The following WWOX variants were observed in gnomAD, a reference collection of about 807,000 sequenced individuals.
WWOX encodes WW domain containing oxidoreductase.
Under a neutral mutation model 46.2 loss-of-function variants are expected in WWOX, and 69 were observed. The ratio of observed to expected loss-of-function variants is 1.49; its 90% CI spans 1.23 to 1.82. WWOX has a LOEUF of 1.82. Among genes scored for constraint, WWOX ranks in the 40% most tolerant of loss-of-function variants. The probability of loss-of-function intolerance (pLI) is 0.00; values close to 1 mark genes in which losing one functional copy is unlikely to be tolerated. For missense variants in WWOX, 919 were observed against 542.6 expected, an observed-to-expected ratio of 1.69 and a Z score of -6.89; for synonymous variants, 359 against 202.6, an observed-to-expected ratio of 1.77 and a Z score of -6.56.
chr16:78,541,822 G>A (rs1042255905), intron 8 of WWOX, among the ~76,000 whole-genome samples: 1 of 151,994 alleles, frequency 6.6e-6, no homozygotes, highest in Non-Finnish European at 1.5e-5. Flanking sequence ...TGAAGTATTA[G>A]CTTTTTACTG....
intron 8 of WWOX, among the ~76,000 whole-genome samples, chr16:78,553,681 C>G (rs1411546738): frequency 1.3e-5 from 2 of 152,046 alleles, no homozygotes; most frequent in Non-Finnish European, 1.5e-5. Context: ...TCAAAGTTGA[C>G]CATGATAGAG....
intron 5 of WWOX, among the ~76,000 whole-genome samples, chr16:78,308,795 C>T (rs1239407595): frequency 1.3e-5 from 2 of 152,142 alleles, no homozygotes; most frequent in Non-Finnish European, 2.9e-5. Flanking sequence ...CTTATCTTAA[C>T]CCAGATAGTC....
intron 8 of WWOX, among the ~76,000 whole-genome samples, chr16:78,523,532 C>G (rs2043393834): frequency 6.6e-6 from 1 of 152,236 alleles, no homozygotes; most frequent in African/African-American, 2.4e-5. Flanking sequence ...TGCTTGTACT[C>G]TCTATCTGGG....
At chr16:78,397,369 C>G (rs890604717) in intron 6 of WWOX, among the ~76,000 whole-genome samples, 2 of 152,100 alleles carry the variant, frequency 1.3e-5, no homozygotes, top group Non-Finnish European at 2.9e-5. Context: ...CCATTTTATC[C>G]TTATAATGAC....
At chr16:78,289,302 A>C (rs2079821650) in intron 5 of WWOX, among the ~76,000 whole-genome samples, 1 of 152,206 alleles carries the variant, frequency 6.6e-6, no homozygotes, top group South Asian at 2.1e-4. Context: ...AACCTAGGCG[A>C]GGAGAGTTGA....
At chr16:79,018,801 C>G (rs2047469399) in intron 8 of WWOX, among the ~76,000 whole-genome samples, 1 of 152,038 alleles carries the variant, frequency 6.6e-6, no homozygotes, top group African/African-American at 2.4e-5. Context: ...TTTTTGTTCC[C>G]CATAGACCCA....
intron 8 of WWOX, among the ~76,000 whole-genome samples, chr16:78,663,008 T>G (rs2047252812): frequency 6.6e-6 from 1 of 152,192 alleles, no homozygotes; most frequent in African/African-American, 2.4e-5. Flanking sequence ...TGACTGAGAT[T>G]ATTCAGTACT....
At chr16:78,652,512 G>C (rs867852929) in intron 8 of WWOX, among the ~76,000 whole-genome samples, 3 of 151,378 alleles carry the variant, frequency 2.0e-5, no homozygotes, top group Non-Finnish European at 2.9e-5. Context: ...TATAAAAAAA[G>C]TTGTAATAAA....
rs938694885 is a variant in WWOX at position 78,489,790 on chromosome 16, C to A, written c.1056+57038C>A. ...ACCCTCCTAACATGTCATCTGAAATCTGGGACCACAGTTCCGGCTGGAACA... is the reference window on the plus strand; with the variant it reads ...ACCCTCCTAACATGTCATCTGAAATATGGGACCACAGTTCCGGCTGGAACA... On this transcript the variant is annotated intron_variant, in intron 8 of 8. Transcript: ENST00000566780. Among the ~76,000 whole-genome samples the A allele has an allele frequency of 2.0e-5, 3 of 152,152 alleles. No homozygotes were observed. The South Asian group carries it at 6.2e-4, about 32-fold the overall frequency.
chr16:78,562,565 T>A (rs778062747), intron 8 of WWOX, among the ~76,000 whole-genome samples: 1 of 152,210 alleles, frequency 6.6e-6, no homozygotes, highest in South Asian at 2.1e-4. Context: ...GCATTGCACG[T>A]GCCTCCCTCT....
intron 4 of WWOX, among the ~76,000 whole-genome samples, chr16:78,120,751 A>G (rs956555675): frequency 1.3e-5 from 2 of 152,124 alleles, no homozygotes; most frequent in East Asian, 1.9e-4. Flanking sequence ...TGATCCTACA[A>G]ATTGTCACCA....
At chr16:78,722,355 A>T (rs1221779481) in intron 8 of WWOX, among the ~76,000 whole-genome samples, 3 of 152,154 alleles carry the variant, frequency 2.0e-5, no homozygotes, top group Admixed American at 6.5e-5. Flanking sequence ...TAAAATGGAG[A>T]TCGCAGTATC....
intron 8 of WWOX, among the ~76,000 whole-genome samples, chr16:79,115,748 A>T (rs1229454873): frequency 6.6e-6 from 1 of 152,224 alleles, no homozygotes; most frequent in Admixed American, 6.5e-5. Context: ...ACCTGCGTGT[A>T]GAAGTTTCAA....
intron 8 of WWOX, among the ~76,000 whole-genome samples, chr16:78,875,472 T>C (rs1304818856): frequency 6.6e-6 from 1 of 152,214 alleles, no homozygotes; most frequent in African/African-American, 2.4e-5. Flanking sequence ...CAAATCAGTT[T>C]GACAGTCCAC....
At chr16:79,173,598 C>G (rs1424249817) in intron 8 of WWOX, among the ~76,000 whole-genome samples, 1 of 151,670 alleles carries the variant, frequency 6.6e-6, no homozygotes, top group Non-Finnish European at 1.5e-5. Flanking sequence ...CTGGAAATAA[C>G]TATTTCCTAT....
chr16:78,493,921 C>G (rs192828270), intron 8 of WWOX, among the ~76,000 whole-genome samples: 22 of 152,244 alleles, frequency 1.4e-4, no homozygotes, highest in Admixed American at 1.4e-3. Context: ...AGCAATGATT[C>G]CAGAAGTTTA....
chr16:78,452,919 C>G (rs930694541), intron 8 of WWOX, among the ~76,000 whole-genome samples: 1 of 140,448 alleles, frequency 7.1e-6, no homozygotes, highest in Non-Finnish European at 1.5e-5. Flanking sequence ...GTTGCCCAGG[C>G]TAAAGTACCA....
chr16:78,445,433 T>G lies in WWOX; in HGVS notation c.1056+12681T>G, dbSNP rs4552038. On this transcript the variant is annotated intron_variant, in intron 8 of 8. Coordinates refer to ENST00000566780, the MANE Select transcript of WWOX (RefSeq NM_016373.4). ...GCCGGGTGCTTTGCTAGGGACAGAA[T>G]GCTGTACAAGGTCCCTGTCCTCATG... Among the ~76,000 whole-genome samples, 806 of 152,232 alleles carry G rather than the reference T, an allele frequency of 5.3e-3. 34 individuals carry two copies. In the East Asian group the frequency reaches 0.11, roughly 21 times the overall value.
In WWOX at chr16:79,111,908, C is replaced by A. The variant is rs559456271; in HGVS notation, c.1057-99700C>A. 4.6e-5 allele frequency among the ~76,000 whole-genome samples: 7 copies of A among 152,254 alleles called. No individual in the cohort carries two copies. The East Asian group carries it at 1.4e-3, about 29-fold the overall frequency. On this transcript the variant is annotated intron_variant, in intron 8 of 8. Transcript: ENST00000566780. ...CCTCAAGCTTTGAGGGTAATAAACT[C>A]AAGCTTTGCAACTGGGTCAAGATCA...
Sources: allele counts gnomAD v4.1 joint callset (sites outside exome capture counted in the v4.1 genomes callset), GRCh38; gene constraint gnomAD v4.1.1; transcripts MANE v1.5; gene names NCBI Gene and HGNC (gene_info 2026-07-23, HGNC 2026-07-21).